ZNF735: variants seen among roughly 807,000 people sequenced by gnomAD.
ZNF735 encodes putative zinc finger protein 735.
A neutral mutation model predicts 13.4 loss-of-function variants in ZNF735; 11 were observed. The ratio of observed to expected loss-of-function variants is 0.82; its 90% CI spans 0.52 to 1.36. The LOEUF (loss-of-function observed/expected upper bound fraction) is 1.36. ZNF735 is among the 40% of genes most tolerant of loss of function. The pLI, the probability that ZNF735 is intolerant of heterozygous loss-of-function variation, is 0.00. For synonymous variants in ZNF735, 171 were observed against 162.6 expected (o/e 1.05, Z -0.39); for missense variants, 500 against 484.6 (o/e 1.03, Z -0.30).
At chr7:64,214,530 G>A (rs1368301700) in intron 3 of ZNF735, among the ~76,000 whole-genome samples, 1 of 151,930 alleles carries the variant, frequency 6.6e-6, no homozygotes, top group Admixed American at 6.6e-5. Flanking sequence ...TGTTTCATTG[G>A]TGGTTGTCCA....
intron 1 of ZNF735, among the ~76,000 whole-genome samples, chr7:64,210,029 CAT>C (rs767290917): frequency 6.6e-6 from 1 of 151,952 alleles, no homozygotes; most frequent in Non-Finnish European, 1.5e-5. Flanking sequence ...GATAGAGAAA[CAT>C]AAGAATAAAT....
chr7:64,215,211 C>T (rs1787405878), intron 3 of ZNF735, among the ~76,000 whole-genome samples: 1 of 151,902 alleles, frequency 6.6e-6, no homozygotes, highest in Non-Finnish European at 1.5e-5. Flanking sequence ...AGGGATGTGC[C>T]ACCATGCCCA....
intron 1 of ZNF735, among the ~76,000 whole-genome samples, chr7:64,211,189 T>G (rs1449609619): frequency 6.6e-6 from 1 of 152,262 alleles, no homozygotes; most frequent in East Asian, 1.9e-4. Context: ...CTTGGATTCT[T>G]ATATGCAATG....
rs376460254 is a variant in ZNF735 at position 64,213,237 on chromosome 7, C to T, written c.166+19C>T. 7.2e-5 allele frequency: 114 copies of T among 1,572,508 alleles called. No homozygotes were observed. Among genetic ancestry groups the T allele is most frequent in the Non-Finnish European group, 9.3e-5 (108 of 1,164,248 alleles). On this transcript the variant is annotated intron_variant, in intron 2 of 3. Transcript: ENST00000429565. ...TCCCTGGGTGAGGTTAACCTCAATA[C>T]ATAATTCCTAATATATTGCCGTTCT... is the stretch of plus-strand genomic sequence containing the variant.
At chr7:64,208,007 T>C (rs543737024) in intron 1 of ZNF735, among the ~76,000 whole-genome samples, 1 of 151,322 alleles carries the variant, frequency 6.6e-6, no homozygotes, top group Non-Finnish European at 1.5e-5. Context: ...AGAAGAACCA[T>C]AGAGCGCCCA....
At chr7:64,213,054 A>G (rs1787378500) in intron 1 of ZNF735, 38 bp from the exon 2 acceptor site, 1 of 1,579,822 alleles carries the variant, frequency 6.3e-7, no homozygotes, top group African/African-American at 1.4e-5. Context: ...GCCATATGGT[A>G]AGTGTGTGTT....
chr7:64,207,265 G>A, intron 1 of ZNF735, 24 bp downstream of exon 1: 1 of 1,614,196 alleles, frequency 6.2e-7, no homozygotes, highest in Non-Finnish European at 8.5e-7. Flanking sequence ...CTGTCATCGT[G>A]AGAGAGGGGT....
chr7:64,213,184 G>C (rs1211845443), exon 2 of ZNF735: 2 of 1,610,698 alleles, frequency 1.2e-6, no homozygotes, highest in African/African-American at 2.7e-5. Flanking sequence ...ATAGAGATGT[G>C]ATGTTAGAGA....
chr7:64,212,782 C>T (rs556456055), intron 1 of ZNF735, among the ~76,000 whole-genome samples: 2 of 140,428 alleles, frequency 1.4e-5, no homozygotes, highest in South Asian at 4.6e-4. Flanking sequence ...CAGAGTGAGA[C>T]TTGGTAAAGA....
At chr7:64,207,372 A>C (rs1484419851) in intron 1 of ZNF735, 131 bp downstream of exon 1, 1 of 1,565,288 alleles carries the variant, frequency 6.4e-7, no homozygotes, top group Non-Finnish European at 8.7e-7. Context: ...TCCTTGGCCC[A>C]GTTCGGCTGT....
intron 1 of ZNF735, among the ~76,000 whole-genome samples, chr7:64,212,829 C>T (rs893820884): frequency 6.6e-6 from 1 of 151,600 alleles, no homozygotes; most frequent in African/African-American, 2.4e-5. Context: ...AGGACAAGTC[C>T]ATGTTGATGC....
rs758057746 is a variant in ZNF735 at position 64,213,112 on chromosome 7, C to G, written c.60C>G (p.Asp20Glu). The G allele has an allele frequency of 3.1e-6, 5 of 1,612,236 alleles. No individual in the cohort carries two copies. The South Asian group carries it at 5.5e-5, about 18-fold the overall frequency. ...TTCAGGGACTGTTGACATTCAGAGACATAGCTATAGAATTCTCTCTGGCGG... is the reference window on the plus strand; with the variant it reads ...TTCAGGGACTGTTGACATTCAGAGAGATAGCTATAGAATTCTCTCTGGCGG... Residue 20 changes from aspartate to glutamate, a missense_variant, in exon 2 of 4, where the codon GAC (aspartate) becomes GAG (glutamate). By Grantham distance (45) the Asp-to-Glu change is conservative (BLOSUM62 2). Transcript: ENST00000429565.
chr7:64,213,043 G>A (rs765438092), intron 1 of ZNF735, 49 bp from the exon 2 acceptor site: 398 of 1,559,350 alleles, frequency 2.6e-4, no homozygotes, highest in Non-Finnish European at 3.2e-4. Context: ...CTCTGCTTAC[G>A]GCCATATGGT....
intron 1 of ZNF735, among the ~76,000 whole-genome samples, chr7:64,208,464 C>T (rs565681322): frequency 1.9e-4 from 29 of 152,072 alleles, no homozygotes; most frequent in African/African-American, 7.0e-4. Context: ...ACCACGTTGG[C>T]CAGGTTGGTC....
At chr7:64,213,766 C>T (rs968242433) in intron 2 of ZNF735, among the ~76,000 whole-genome samples, 7 of 152,020 alleles carry the variant, frequency 4.6e-5, no homozygotes, top group African/African-American at 1.7e-4. Flanking sequence ...CGAGACCAGC[C>T]TGGCTAATAT....
At chr7:64,207,483 C>G (rs1272885167) in intron 1 of ZNF735, among the ~76,000 whole-genome samples, 6 of 152,186 alleles carry the variant, frequency 3.9e-5, no homozygotes, top group Non-Finnish European at 7.3e-5. Context: ...CTGGAGCCCT[C>G]TCTGGGCAGC....
intron 1 of ZNF735, among the ~76,000 whole-genome samples, chr7:64,207,654 C>T (rs1040829912): frequency 6.6e-6 from 1 of 152,136 alleles, no homozygotes; most frequent in Non-Finnish European, 1.5e-5. Flanking sequence ...GTGGGAGTCA[C>T]TGTAAAAATA....
intron 1 of ZNF735, 55 bp downstream of exon 1, chr7:64,207,296 T>C: frequency 1.9e-6 from 3 of 1,614,086 alleles, no homozygotes; most frequent in Non-Finnish European, 2.5e-6. Context: ...TGGAACCGGC[T>C]GAAAGTGGCT....
chr7:64,209,288 A>T (rs1584212371), intron 1 of ZNF735, among the ~76,000 whole-genome samples: 1 of 138,094 alleles, frequency 7.2e-6, no homozygotes, highest in East Asian at 2.3e-4. Flanking sequence ...TTTTTTCTTC[A>T]TTACTCTAGT....
Sources: gnomAD v4.1 joint callset for allele counts (sites outside exome capture counted in the v4.1 genomes callset) on GRCh38, gnomAD v4.1.1 for gene constraint, MANE v1.5 for transcripts, NCBI Gene and HGNC (gene_info 2026-07-23, HGNC 2026-07-21) for gene names.